The following STXBP4 variants were observed in gnomAD, a reference collection of about 807,000 sequenced individuals.
STXBP4 encodes the protein syntaxin-binding protein 4.
A neutral mutation model predicts 76.1 loss-of-function variants in STXBP4; 55 were observed. The observed-to-expected ratio is 0.72, with a 90% CI of 0.58 to 0.91. The LOEUF is 0.91. Among genes scored for constraint, STXBP4 ranks in the 40% least tolerant of loss-of-function variants. The probability of loss-of-function intolerance (pLI) is 0.00; values close to 1 mark genes in which losing one functional copy is unlikely to be tolerated. For missense variants in STXBP4, 618 were observed against 636.9 expected, an observed-to-expected ratio of 0.97 and a Z score of 0.32; for synonymous variants, 201 against 220.2, an observed-to-expected ratio of 0.91 and a Z score of 0.77.
chr17:55,172,990 A>G lies in STXBP4; in HGVS notation c.*13079A>G, dbSNP rs1168716484. On this transcript the variant is annotated 3_prime_UTR_variant, in exon 18 of 18. Coordinates refer to ENST00000376352, the MANE Select transcript of STXBP4 (RefSeq NM_178509.6). ...CAAAACCCCTGCTGGAGCACCTTCT[A>G]CTTCTAGAAAGATGTTGAGGGGCTT... is the stretch of plus-strand genomic sequence containing the variant. The G allele has an allele frequency of 1.3e-5, 2 of 152,212 alleles. No individual in the cohort carries two copies. Among genetic ancestry groups the G allele is most frequent in the East Asian group, 1.9e-4 (1 of 5,194 alleles). The allele number at this position is 152,212 out of a possible 1,614,324, so 9.4% of individuals were successfully genotyped here. A position where few individuals can be genotyped will look rare whatever the true frequency, so the allele number is the denominator to read the frequency against.
At chr17:55,134,578 G>T (rs1165733563) in intron 16 of STXBP4, among the ~76,000 whole-genome samples, 1 of 152,016 alleles carries the variant, frequency 6.6e-6, no homozygotes, top group Non-Finnish European at 1.5e-5. Flanking sequence ...AAGAAGTTGG[G>T]CTGAGGAGAG....
the STXBP4 span, among the ~76,000 whole-genome samples, chr17:55,188,948 T>C: frequency 6.6e-6 from 1 of 152,312 alleles, no homozygotes; most frequent in South Asian, 2.1e-4. Flanking sequence ...ATTCTTTTTT[T>C]AGTCACTGTC....
the STXBP4 span, among the ~76,000 whole-genome samples, chr17:55,197,278 G>A: frequency 6.6e-6 from 1 of 152,160 alleles, no homozygotes. Context: ...AGACTTAAGT[G>A]GACATAGGAA....
intron 1 of STXBP4, among the ~76,000 whole-genome samples, chr17:54,969,611 T>G (rs2144235774): frequency 6.6e-6 from 1 of 152,318 alleles, no homozygotes; most frequent in East Asian, 1.9e-4. Context: ...TGAGGCATAG[T>G]AAGAATGTAG....
chr17:55,079,296 A>G (rs544300569), intron 15 of STXBP4, among the ~76,000 whole-genome samples: 1 of 152,308 alleles, frequency 6.6e-6, no homozygotes, highest in South Asian at 2.1e-4. Flanking sequence ...AAATTTATTT[A>G]TTTCAAACCA....
chr17:55,109,275 G>A (rs2079679265), intron 16 of STXBP4, among the ~76,000 whole-genome samples: 1 of 151,982 alleles, frequency 6.6e-6, no homozygotes, highest in South Asian at 2.1e-4. Flanking sequence ...TTGAGCAAAG[G>A]ACTATTCAGG....
At chr17:55,023,857 A>G (rs1307088733) in intron 8 of STXBP4, among the ~76,000 whole-genome samples, 5 of 146,112 alleles carry the variant, frequency 3.4e-5, no homozygotes, top group South Asian at 2.3e-4. Flanking sequence ...TTGGAATTCT[A>G]GAACTGGTAT....
chr17:55,096,063 T>C (rs2079481918), intron 16 of STXBP4, among the ~76,000 whole-genome samples: 2 of 152,174 alleles, frequency 1.3e-5, no homozygotes, highest in Non-Finnish European at 2.9e-5. Flanking sequence ...CAGGGTACAG[T>C]CTTCATATGA....
intron 17 of STXBP4, among the ~76,000 whole-genome samples, chr17:55,148,259 T>C (rs2080178471): frequency 6.6e-6 from 1 of 152,204 alleles, no homozygotes; most frequent in Non-Finnish European, 1.5e-5. Context: ...AGTGAATAAA[T>C]TTTATTGTTT....
intron 16 of STXBP4, among the ~76,000 whole-genome samples, chr17:55,083,496 G>T (rs1567753979): frequency 1.3e-5 from 2 of 152,114 alleles, no homozygotes; most frequent in African/African-American, 4.8e-5. Context: ...CATTGCTGCA[G>T]AACAAATCAA....
the STXBP4 span, among the ~76,000 whole-genome samples, chr17:55,179,316 A>G: frequency 3.3e-5 from 5 of 151,554 alleles, no homozygotes; most frequent in East Asian, 1.9e-4. Flanking sequence ...TAGAGCATGG[A>G]AAAAAAAATA....
intron 12 of STXBP4, among the ~76,000 whole-genome samples, chr17:55,069,373 C>T (rs764250074): frequency 6.6e-6 from 1 of 152,028 alleles, no homozygotes; most frequent in African/African-American, 2.4e-5. Flanking sequence ...ACAGCATTTT[C>T]CCTGATGGGA....
intron 16 of STXBP4, among the ~76,000 whole-genome samples, chr17:55,125,579 A>G (rs1382212227): frequency 1.3e-5 from 2 of 151,748 alleles, no homozygotes; most frequent in Non-Finnish European, 2.9e-5. Context: ...AGGACCCAAC[A>G]TAGGATAAGT....
intron 8 of STXBP4, among the ~76,000 whole-genome samples, chr17:55,013,289 C>T (rs1358365216): frequency 6.6e-6 from 1 of 152,206 alleles, no homozygotes; most frequent in Admixed American, 6.5e-5. Flanking sequence ...GCCCCGTTGG[C>T]AAGCTTAACA....
Position 54,986,831 on chromosome 17 carries a change from A to T in STXBP4, c.47+565A>T, listed in dbSNP as rs34275922. On this transcript the variant is annotated intron_variant, in intron 3 of 17. Coordinates refer to ENST00000376352, the MANE Select transcript of STXBP4 (RefSeq NM_178509.6). ...CAATAAGCATTTATTTTTTCTCATG[A>T]TTCAGTGGGTTGGTTGAGCAGTTCT... is the stretch of plus-strand genomic sequence containing the variant. 9.1e-3 allele frequency among the ~76,000 whole-genome samples: 1,383 copies of T among 152,204 alleles called. 14 individuals are homozygous for T. Among genetic ancestry groups the T allele is most frequent in the South Asian group, 0.017 (80 of 4,822 alleles).
intron 16 of STXBP4, among the ~76,000 whole-genome samples, chr17:55,118,398 C>G (rs960780501): frequency 2.6e-5 from 4 of 151,880 alleles, no homozygotes; most frequent in Non-Finnish European, 5.9e-5. Flanking sequence ...GAGGCCAGAA[C>G]AGATTTACTT....
Position 55,073,015 on chromosome 17 carries a change from T to TA in STXBP4, c.1127_1128insA (p.Leu377ValfsTer14). On this transcript the variant is annotated frameshift_variant, in exon 13 of 18. Coordinates refer to ENST00000376352, the MANE Select transcript of STXBP4 (RefSeq NM_178509.6). LOFTEE classifies it high-confidence loss of function. The stretch of plus-strand genomic sequence containing the variant: ...ATGGACTATGAAGAAGTGATCCGTC[T>TA]GTTAGAGGCCAAGATTACAGAGCTA... 1 of 1,614,040 alleles carries TA rather than the reference T, an allele frequency of 6.2e-7. No homozygotes were observed. Among genetic ancestry groups the TA allele is most frequent in the Non-Finnish European group, 8.5e-7 (1 of 1,179,916 alleles).
At chr17:55,184,903 C>A in the STXBP4 span, among the ~76,000 whole-genome samples, 1 of 152,120 alleles carries the variant, frequency 6.6e-6, no homozygotes, top group African/African-American at 2.4e-5. Flanking sequence ...GATGGGGTCT[C>A]GCTCTGTCAC....
At chr17:55,043,349 A>C in intron 11 of STXBP4, 24 bp downstream of exon 11, 1 of 1,332,078 alleles carries the variant, frequency 7.5e-7, no homozygotes, top group Non-Finnish European at 1.0e-6. Flanking sequence ...TAGTTTCCTT[A>C]TGTTTTCTTC....
Sources: allele counts gnomAD v4.1 joint callset (sites outside exome capture counted in the v4.1 genomes callset), GRCh38; gene constraint gnomAD v4.1.1; transcripts MANE v1.5; gene names NCBI Gene and HGNC (gene_info 2026-07-23, HGNC 2026-07-21).